CRACD: variants seen among roughly 807,000 people sequenced by gnomAD.
The protein encoded by CRACD is capping protein-inhibiting regulator of actin dynamics.
In CRACD, 56 loss-of-function variants were observed where a neutral mutation model predicts 106.8. The ratio of observed to expected loss-of-function variants is 0.52; its 90% CI spans 0.42 to 0.66. The LOEUF is 0.66. Ranked by LOEUF, CRACD falls within the 30% of genes least tolerant of loss-of-function variation. CRACD has a pLI of 0.00. For missense variants in CRACD, 1,730 were observed against 1,623.2 expected, an observed-to-expected ratio of 1.07 and a Z score of -1.13; for synonymous variants, 754 against 670.8, an observed-to-expected ratio of 1.12 and a Z score of -1.92.
chr4:56,222,839 G>A (rs1278827745), intron 2 of CRACD, among the ~76,000 whole-genome samples: 1 of 151,986 alleles, frequency 6.6e-6, no homozygotes, highest in Non-Finnish European at 1.5e-5. Flanking sequence ...TGGGCATGTG[G>A]GTGGTGTGCG....
chr4:56,070,787 C>G (rs1422246201), intron 1 of CRACD, among the ~76,000 whole-genome samples: 1 of 148,056 alleles, frequency 6.8e-6, no homozygotes, highest in Non-Finnish European at 1.5e-5. Context: ...GTAGACTTTT[C>G]CTACCTGTGT....
intron 2 of CRACD, among the ~76,000 whole-genome samples, chr4:56,255,113 CAAAA>C (rs5858370): frequency 1.3e-5 from 1 of 74,794 alleles, no homozygotes; most frequent in African/African-American, 4.7e-5. Flanking sequence ...GACTCCATCT[CAAAA>C]AAAAAAAAAA....
rs184848909 is a variant in CRACD at position 56,050,262 on chromosome 4, G to A, written c.-336+963G>A. Among the ~76,000 whole-genome samples, 535 of 142,934 alleles carry A rather than the reference G, an allele frequency of 3.7e-3. 1 individual carries two copies. Among genetic ancestry groups the A allele is most frequent in the Non-Finnish European group, 5.4e-3 (360 of 66,274 alleles). 93.8% of individuals were successfully genotyped at this position (142,934 alleles called of 152,430 possible). A position where few individuals can be genotyped will look rare whatever the true frequency, so the allele number is the denominator to read the frequency against. On this transcript the variant is annotated intron_variant, in intron 1 of 10. Transcript: ENST00000682029. ...ATAATGGCTGGGAAACTGATCTGGT[G>A]TAGGTGAGGGAGTGTGTGTGTGTGT...
At chr4:56,272,689 A>G (rs1310390040) in intron 3 of CRACD, among the ~76,000 whole-genome samples, 197 bp downstream of exon 3, 1 of 152,104 alleles carries the variant, frequency 6.6e-6, no homozygotes, top group Non-Finnish European at 1.5e-5. Context: ...TCAGGAGTTC[A>G]AGACCAGCCT....
intron 1 of CRACD, among the ~76,000 whole-genome samples, chr4:56,177,522 A>G (rs1183530748): frequency 6.6e-6 from 1 of 152,040 alleles, no homozygotes. Flanking sequence ...GAGGGTAATG[A>G]TGCCCTTGTA....
chr4:56,079,857 G>A (rs1370131963), intron 1 of CRACD, among the ~76,000 whole-genome samples: 1 of 152,154 alleles, frequency 6.6e-6, no homozygotes, highest in Non-Finnish European at 1.5e-5. Flanking sequence ...GAAGGCAAGT[G>A]TAGGTTTACC....
intron 2 of CRACD, among the ~76,000 whole-genome samples, chr4:56,218,732 C>T (rs1030940855): frequency 6.6e-6 from 1 of 151,898 alleles, no homozygotes; most frequent in Non-Finnish European, 1.5e-5. Flanking sequence ...TTCAGCCCCA[C>T]AAAGTGTTAG....
rs778992707 is a variant in CRACD, at chr4:56,316,591, A to G, written c.3089A>G (p.Asp1030Gly). Reference protein sequence around the residue: ...GPEERKGQKRDEEEEATERKP... With the variant: ...GPEERKGQKRGEEEEATERKP... ...GAGGAAAGGAAGGGACAGAAGAGGG[A>G]CGAGGAGGAAGAGGCGACAGAGAGG... Residue 1030 changes from aspartate to glycine, a missense_variant, in exon 8 of 11, where the codon GAC (aspartate) becomes GGC (glycine). Transcript: ENST00000682029. The G allele has an allele frequency of 6.2e-7, 1 of 1,613,484 alleles. No homozygotes were observed. The highest frequency in any genetic ancestry group is 8.5e-7 in the Non-Finnish European group (1 of 1,179,760).
At chr4:56,205,174 A>T (rs916844927) in intron 2 of CRACD, among the ~76,000 whole-genome samples, 2 of 152,042 alleles carry the variant, frequency 1.3e-5, no homozygotes, top group African/African-American at 4.8e-5. Context: ...AGAAATAAAT[A>T]ATTAAAAAGA....
At chr4:56,238,000 TTATC>T (rs35208315) in intron 2 of CRACD, among the ~76,000 whole-genome samples, 20,279 of 152,106 alleles carry the variant, frequency 0.13, 1,909 homozygotes, top group East Asian at 0.49. Context: ...AACTAATTGT[TTATC>T]TATCCATCCA....
intron 2 of CRACD, among the ~76,000 whole-genome samples, chr4:56,223,417 T>C (rs1560490231): frequency 6.6e-6 from 1 of 152,154 alleles, no homozygotes; most frequent in Non-Finnish European, 1.5e-5. Flanking sequence ...TCATATGTGG[T>C]GTGTTCTTCC....
Position 56,163,054 on chromosome 4 carries a change from G to A in CRACD, c.-335-16230G>A, listed in dbSNP as rs144120436. Among the ~76,000 whole-genome samples the A allele has an allele frequency of 2.3e-3, 344 of 152,294 alleles. 4 individuals carry two copies. The highest frequency in any genetic ancestry group is 7.8e-3 in the African/African-American group (323 of 41,554). ...GTGGGCTACATGTGACCAATGGGCT[G>A]TAATTTGCCAACTCTGCTCTGGGGC... On this transcript the variant is annotated intron_variant, in intron 1 of 10. Coordinates refer to ENST00000682029, the MANE Select transcript of CRACD (RefSeq NM_001393381.1).
At chr4:56,135,632 G>T (rs1029398205) in intron 1 of CRACD, among the ~76,000 whole-genome samples, 1 of 152,208 alleles carries the variant, frequency 6.6e-6, no homozygotes, top group Admixed American at 6.5e-5. Context: ...TACAAAGACA[G>T]ACGTCTCATC....
chr4:56,065,538 T>A (rs1732436794), intron 1 of CRACD, among the ~76,000 whole-genome samples: 1 of 152,240 alleles, frequency 6.6e-6, no homozygotes, highest in African/African-American at 2.4e-5. Context: ...TCCTTGGTAG[T>A]ATCTGCAACC....
At chr4:56,178,613 A>T (rs1736684766) in intron 1 of CRACD, among the ~76,000 whole-genome samples, 1 of 152,134 alleles carries the variant, frequency 6.6e-6, no homozygotes, top group Admixed American at 6.5e-5. Context: ...GCCAACCCCC[A>T]TCAGGGCTTG....
At chr4:56,092,621 G>A (rs1484672890) in intron 1 of CRACD, among the ~76,000 whole-genome samples, 1 of 150,700 alleles carries the variant, frequency 6.6e-6, no homozygotes, top group Non-Finnish European at 1.5e-5. Context: ...AATTTTTTTT[G>A]AGACAAGGTC....
chr4:56,270,126 G>A (rs886446935), intron 2 of CRACD, among the ~76,000 whole-genome samples: 1 of 152,064 alleles, frequency 6.6e-6, no homozygotes, highest in Non-Finnish European at 1.5e-5. Context: ...TTGTCTTTTT[G>A]TAATTGGTTA....
chr4:56,327,909 A>T lies in CRACD; in HGVS notation c.*105A>T, dbSNP rs529482179. On this transcript the variant is annotated 3_prime_UTR_variant, in exon 11 of 11. Coordinates refer to ENST00000682029, the MANE Select transcript of CRACD (RefSeq NM_001393381.1). ...TAAAGAAATCAAGCTAGGGAAAAGAAGCATGTTTTATAGGCTCCAAAATAA... is the reference window on the plus strand; with the variant it reads ...TAAAGAAATCAAGCTAGGGAAAAGATGCATGTTTTATAGGCTCCAAAATAA... 448 of 1,041,808 alleles carry T rather than the reference A, an allele frequency of 4.3e-4. 1 individual carries two copies. Among genetic ancestry groups the T allele is most frequent in the Admixed American group, 2.2e-3 (88 of 39,140 alleles). The allele number at this position is 1,041,808 out of a possible 1,614,324, so 64.5% of individuals were successfully genotyped here.
intron 1 of CRACD, among the ~76,000 whole-genome samples, chr4:56,131,875 C>A (rs992542572): frequency 2.6e-5 from 4 of 151,904 alleles, no homozygotes; most frequent in Non-Finnish European, 5.9e-5. Context: ...ACAAATACAT[C>A]ATTTATTTTA....
Sources: gnomAD v4.1 joint callset for allele counts (sites outside exome capture counted in the v4.1 genomes callset) on GRCh38, gnomAD v4.1.1 for gene constraint, MANE v1.5 for transcripts, NCBI Gene and HGNC (gene_info 2026-07-23, HGNC 2026-07-21) for gene names.